The following RABEP1 variants were observed in gnomAD, a reference collection of about 807,000 sequenced individuals.
RABEP1 encodes the protein rab GTPase-binding effector protein 1.
Under a neutral mutation model 123.4 loss-of-function variants are expected in RABEP1, and 51 were observed. The observed-to-expected ratio is 0.41, with a 90% CI of 0.33 to 0.52. The LOEUF is 0.52. RABEP1 is among the 20% of genes least tolerant of loss of function. The probability of loss-of-function intolerance (pLI) is 0.16; values close to 1 mark genes in which losing one functional copy is unlikely to be tolerated. For missense variants in RABEP1, 888 were observed against 996.3 expected (o/e 0.89, Z 1.46); for synonymous variants, 347 against 355.2 (o/e 0.98, Z 0.26).
intron 5 of RABEP1, among the ~76,000 whole-genome samples, chr17:5,340,726 C>T (rs554259336): frequency 2.5e-4 from 38 of 150,662 alleles, no homozygotes; most frequent in South Asian, 2.3e-3. Context: ...GTGGGTGGAT[C>T]GCCTGAGGTC....
Position 5,318,700 on chromosome 17 carries a change from C to G in RABEP1, c.163+9878C>G, listed in dbSNP as rs75960464. ...AAGATAGAAACAGAGGGAATACTTC[C>G]TAACTCATTCTATGAGGTCTGCATA... is the stretch of plus-strand genomic sequence containing the variant. On this transcript the variant is annotated intron_variant, in intron 2 of 17. Coordinates refer to ENST00000537505, the MANE Select transcript of RABEP1 (RefSeq NM_004703.6). Among the ~76,000 whole-genome samples, 75 of 152,244 alleles carry G rather than the reference C, an allele frequency of 4.9e-4. 1 individual carries two copies. Among genetic ancestry groups the G allele is most frequent in the African/African-American group, 1.8e-3 (74 of 41,552 alleles).
intron 13 of RABEP1, among the ~76,000 whole-genome samples, chr17:5,375,243 T>G (rs1462280289): frequency 6.6e-6 from 1 of 152,196 alleles, no homozygotes; most frequent in East Asian, 1.9e-4. Flanking sequence ...TTTTTATGTT[T>G]ATTTCATCAT....
chr17:5,371,067 C>T lies in RABEP1; in HGVS notation c.1885-2247C>T, dbSNP rs185800649. On this transcript the variant is annotated intron_variant, in intron 12 of 17. Transcript: ENST00000537505. ...CTGCAAGCTCCGCCTCCCGGGCTCA[C>T]GCCATTCTCCTGCCTCAGCCTCTGG... 1.4e-3 allele frequency among the ~76,000 whole-genome samples: 214 copies of T among 151,934 alleles called. 2 individuals carry two copies. In the East Asian group the frequency reaches 0.036, roughly 25 times the overall value.
chr17:5,339,145 C>A (rs993788593), intron 5 of RABEP1, among the ~76,000 whole-genome samples: 1 of 151,186 alleles, frequency 6.6e-6, no homozygotes, highest in Non-Finnish European at 1.5e-5. Context: ...CCCTGTCCCC[C>A]ACACCCAAAG....
chr17:5,292,752 C>G (rs918155051), intron 1 of RABEP1, among the ~76,000 whole-genome samples: 1 of 152,086 alleles, frequency 6.6e-6, no homozygotes, highest in South Asian at 2.1e-4. Flanking sequence ...TGCGATCTTG[C>G]CCGATTGCAA....
At chr17:5,297,355 G>A (rs2075093101) in intron 1 of RABEP1, among the ~76,000 whole-genome samples, 1 of 152,168 alleles carries the variant, frequency 6.6e-6, no homozygotes, top group South Asian at 2.1e-4. Context: ...ATTGCTTACA[G>A]ATTTCAACGT....
chr17:5,348,941 G>A (rs1405001527), intron 6 of RABEP1, among the ~76,000 whole-genome samples: 1 of 152,138 alleles, frequency 6.6e-6, no homozygotes, highest in African/African-American at 2.4e-5. Context: ...CAATTCAGTA[G>A]TTTTTAATAT....
rs868317607 is a variant in RABEP1 at position 5,363,144 on chromosome 17, A to C, written c.1668+128A>C. On this transcript the variant is annotated intron_variant, in intron 10 of 17. Coordinates refer to ENST00000537505, the MANE Select transcript of RABEP1 (RefSeq NM_004703.6). ...GCATATCCATCTTGTTAAGTTATGA[A>C]ATAACCTGGTACATGCAATGGCAGT... The C allele has an allele frequency of 4.5e-5, 31 of 691,540 alleles. No individual in the cohort carries two copies. The African/African-American group carries it at 5.2e-4, about 12-fold the overall frequency. 42.8% of individuals were successfully genotyped at this position (691,540 alleles called of 1,614,324 possible).
intron 2 of RABEP1, among the ~76,000 whole-genome samples, chr17:5,325,105 G>A (rs1905838289): frequency 2.0e-5 from 3 of 152,070 alleles, no homozygotes; most frequent in African/African-American, 7.2e-5. Flanking sequence ...CTGAGCTCAG[G>A]AGTTCGAGAC....
chr17:5,370,477 A>G (rs1369760713), intron 12 of RABEP1, among the ~76,000 whole-genome samples: 4 of 152,160 alleles, frequency 2.6e-5, no homozygotes, highest in African/African-American at 9.7e-5. Context: ...CAGTGATCAC[A>G]TATTTCATCT....
In RABEP1 at chr17:5,331,513, C is replaced by T. The variant is rs770609761; in HGVS notation, c.164-436C>T. ...ATTAATGCTAACTTTAAAGAACATACGTCTAGTCACTGCCATGTGCTCTGG... is the reference window on the plus strand; with the variant it reads ...ATTAATGCTAACTTTAAAGAACATATGTCTAGTCACTGCCATGTGCTCTGG... On this transcript the variant is annotated intron_variant, in intron 2 of 17. Transcript: ENST00000537505. 2.0e-4 allele frequency among the ~76,000 whole-genome samples: 31 copies of T among 152,268 alleles called. 1 individual carries two copies. The highest frequency in any genetic ancestry group is 2.1e-4 in the Non-Finnish European group (14 of 68,012).
chr17:5,351,426 C>A (rs921231168), intron 7 of RABEP1, among the ~76,000 whole-genome samples: 3 of 152,150 alleles, frequency 2.0e-5, no homozygotes, highest in African/African-American at 7.2e-5. Flanking sequence ...AGAGAGCCTT[C>A]TAAACCAGTT....
At position 5,354,308 on chromosome 17, in the gene RABEP1, C is replaced by T. The variant is rs775429446; in HGVS notation, c.964-51C>T. ...TTTGAATGGTTAAAGAACTGTGTCA[C>T]TTATTAAGTAGGTTACTTGGGTCAT... On this transcript the variant is annotated intron_variant, in intron 7 of 17. Coordinates refer to ENST00000537505, the MANE Select transcript of RABEP1 (RefSeq NM_004703.6). 3.3e-6 allele frequency: 5 copies of T among 1,510,390 alleles called. No homozygotes were observed. The Admixed American group carries it at 6.0e-5, about 18-fold the overall frequency. 93.6% of individuals were successfully genotyped at this position (1,510,390 alleles called of 1,614,324 possible).
rs1420718729 is a variant in RABEP1 at position 5,335,355 on chromosome 17, A to G, written c.528+11A>G. On this transcript the variant is annotated intron_variant, in intron 4 of 17. Transcript: ENST00000537505. The stretch of plus-strand genomic sequence containing the variant: ...AATGAAATGAAAAAGGTATGAAGGA[A>G]TGTGTTCATTTGTAGAAATATTTGA... The G allele has an allele frequency of 1.3e-6, 2 of 1,597,340 alleles. No homozygotes were observed. Among genetic ancestry groups the G allele is most frequent in the Non-Finnish European group, 1.7e-6 (2 of 1,167,736 alleles).
At chr17:5,309,545 C>T (rs773944810) in intron 2 of RABEP1, among the ~76,000 whole-genome samples, 3 of 150,852 alleles carry the variant, frequency 2.0e-5, no homozygotes, top group Admixed American at 1.3e-4. Flanking sequence ...CCCAGCTGCT[C>T]GGGAGGCTGA....
At chr17:5,323,285 C>T (rs954274826) in intron 2 of RABEP1, among the ~76,000 whole-genome samples, 3 of 152,140 alleles carry the variant, frequency 2.0e-5, no homozygotes, top group African/African-American at 7.2e-5. Context: ...AAGGCCTTTC[C>T]TCTGAGATCT....
chr17:5,303,982 C>T lies in RABEP1; in HGVS notation c.35-4712C>T, dbSNP rs1315293319. Among the ~76,000 whole-genome samples, 7 of 150,118 alleles carry T rather than the reference C, an allele frequency of 4.7e-5. No homozygotes were observed. In the South Asian group the frequency reaches 8.4e-4, roughly 18 times the overall value. On this transcript the variant is annotated intron_variant, in intron 1 of 17. Transcript: ENST00000537505. Reference sequence around the variant, plus strand: ...CCAGGAGGCAGAGGTTGCTGTGAGCCGAGATTGCACCATTGCACTCTAGCC... The same window carrying T: ...CCAGGAGGCAGAGGTTGCTGTGAGCTGAGATTGCACCATTGCACTCTAGCC...
intron 8 of RABEP1, 47 bp downstream of exon 8, chr17:5,354,537 A>G (rs1479822293): frequency 6.5e-7 from 1 of 1,540,290 alleles, no homozygotes; most frequent in African/African-American, 1.4e-5. Context: ...AATGTCAACA[A>G]TTTTAGCTTA....
rs1911050239 is a variant in RABEP1, at chr17:5,377,088, C to T, written c.2026-28C>T. 4 of 1,560,466 alleles carry T rather than the reference C, an allele frequency of 2.6e-6. No homozygotes were observed. The South Asian group carries it at 3.7e-5, about 14-fold the overall frequency. ...TTTATTTCCTTTCACTCTCACAAAC[C>T]CAATAATCATTTGTTTCTTGAATCC... On this transcript the variant is annotated intron_variant, in intron 13 of 17. Transcript: ENST00000537505.
Sources: allele counts gnomAD v4.1 joint callset (sites outside exome capture counted in the v4.1 genomes callset), GRCh38; gene constraint gnomAD v4.1.1; transcripts MANE v1.5; gene names NCBI Gene and HGNC (gene_info 2026-07-23, HGNC 2026-07-21).